PCDH11Y: variants seen among roughly 807,000 people sequenced by gnomAD.
The protein encoded by PCDH11Y is protocadherin-11 Y-linked.
For synonymous variants in PCDH11Y, 9 were observed against 83.6 expected (o/e 0.11, Z 4.87); for missense variants, 12 against 224.8 (o/e 0.05, Z 6.05).
intron 2 of PCDH11Y, among the ~76,000 whole-genome samples, chrY:5,243,249 C>T (rs2124655724): frequency 2.9e-5 from 1 of 34,200 alleles, no homozygotes; most frequent in African/African-American, 1.1e-4. Flanking sequence ...TTATCTTTCT[C>T]ATTGATCCCA....
chrY:5,390,767 G>C, intron 2 of PCDH11Y, among the ~76,000 whole-genome samples: 1 of 32,711 alleles, frequency 3.1e-5, no homozygotes, highest in Non-Finnish European at 7.5e-5. Flanking sequence ...AAGTGAAACT[G>C]ACAAGGATAT....
At chrY:5,134,536 A>G (rs2052836988) in intron 2 of PCDH11Y, among the ~76,000 whole-genome samples, 1 of 31,850 alleles carries the variant, frequency 3.1e-5, no homozygotes, top group African/African-American at 1.2e-4. Flanking sequence ...TAGTTTATTG[A>G]AAGTTTTTAT....
At chrY:5,346,323 G>A (rs2124669771) in intron 2 of PCDH11Y, among the ~76,000 whole-genome samples, 1 of 32,634 alleles carries the variant, frequency 3.1e-5, no homozygotes, top group Non-Finnish European at 7.5e-5. Context: ...TCCACCTTCC[G>A]TGTTCAAGCG....
At chrY:5,266,168 G>A in intron 2 of PCDH11Y, among the ~76,000 whole-genome samples, 1 of 33,634 alleles carries the variant, frequency 3.0e-5, no homozygotes, top group African/African-American at 1.2e-4. Context: ...AACTTCTAAT[G>A]ATTTTAATAC....
intron 4 of PCDH11Y, among the ~76,000 whole-genome samples, chrY:5,672,131 T>C: frequency 3.1e-5 from 1 of 32,202 alleles, no homozygotes; most frequent in Non-Finnish European, 7.7e-5. Flanking sequence ...AATCTTTCTA[T>C]TGTGTTTTTG....
intron 2 of PCDH11Y, among the ~76,000 whole-genome samples, chrY:5,459,009 G>C: frequency 3.2e-5 from 1 of 30,796 alleles, no homozygotes; most frequent in African/African-American, 1.3e-4. Flanking sequence ...AGAGTATTCA[G>C]GAATGTAACA....
intron 2 of PCDH11Y, among the ~76,000 whole-genome samples, chrY:5,202,047 C>T: frequency 2.7e-4 from 9 of 33,604 alleles, no homozygotes; most frequent in African/African-American, 9.2e-4. Context: ...AGACTTCTCT[C>T]TTGCTTTCTC....
chrY:5,503,497 T>C (rs373821380), intron 3 of PCDH11Y, among the ~76,000 whole-genome samples: 1,884 of 32,863 alleles, frequency 0.057, no homozygotes, highest in African/African-American at 0.22. Flanking sequence ...CTATGAATAA[T>C]ACTAACAAAC....
At chrY:5,644,700 G>C (rs1602955732) in intron 4 of PCDH11Y, among the ~76,000 whole-genome samples, 2 of 30,758 alleles carry the variant, frequency 6.5e-5, no homozygotes, top group East Asian at 1.7e-3. Flanking sequence ...CAGGAGTGGT[G>C]GTGCATGCCT....
intron 2 of PCDH11Y, among the ~76,000 whole-genome samples, chrY:5,450,901 A>G: frequency 3.0e-5 from 1 of 32,945 alleles, no homozygotes; most frequent in Non-Finnish European, 7.5e-5. Context: ...TTTTGAGCCA[A>G]TTAATTCACA....
intron 4 of PCDH11Y, among the ~76,000 whole-genome samples, chrY:5,630,708 TCA>T (rs2053511782): frequency 3.0e-5 from 1 of 33,438 alleles, no homozygotes; most frequent in Non-Finnish European, 7.4e-5. Context: ...GCCATGCCTG[TCA>T]CAGAGTGTTT....
intron 2 of PCDH11Y, among the ~76,000 whole-genome samples, chrY:5,286,404 GA>G (rs2053060693): frequency 2.7e-4 from 9 of 33,311 alleles, no homozygotes; most frequent in African/African-American, 8.2e-4. Flanking sequence ...TAAATTTAAA[GA>G]TAGCATCTTC....
chrY:5,455,824 G>A, intron 2 of PCDH11Y, among the ~76,000 whole-genome samples: 1 of 32,887 alleles, frequency 3.0e-5, no homozygotes, highest in Admixed American at 2.8e-4. Flanking sequence ...TAAACCATTC[G>A]TGAGTCGTCC....
intron 2 of PCDH11Y, among the ~76,000 whole-genome samples, chrY:5,327,540 G>A: frequency 1.2e-4 from 4 of 33,116 alleles, no homozygotes; most frequent in East Asian, 8.3e-4. Flanking sequence ...GGATATTGCC[G>A]TTGAGCGGGG....
intron 2 of PCDH11Y, among the ~76,000 whole-genome samples, chrY:5,189,027 C>T: frequency 3.0e-5 from 1 of 33,633 alleles, no homozygotes; most frequent in Non-Finnish European, 7.4e-5. Context: ...TTGAGAAACA[C>T]TGTTTTGTTA....
At chrY:5,340,905 C>T in intron 2 of PCDH11Y, among the ~76,000 whole-genome samples, 1 of 33,517 alleles carries the variant, frequency 3.0e-5, no homozygotes, top group African/African-American at 1.2e-4. Context: ...AGTAACAGCT[C>T]TTTCTACCAT....
intron 2 of PCDH11Y, among the ~76,000 whole-genome samples, chrY:5,472,592 G>T: frequency 3.1e-5 from 1 of 32,249 alleles, no homozygotes; most frequent in Non-Finnish European, 7.7e-5. Context: ...CTCACAATTT[G>T]CCAGGTATTA....
At chrY:5,582,820 T>C in intron 4 of PCDH11Y, among the ~76,000 whole-genome samples, 2 of 32,890 alleles carry the variant, frequency 6.1e-5, no homozygotes, top group East Asian at 1.6e-3. Context: ...TCTTCTGTTC[T>C]TCTATAATCA....
chrY:5,630,473 T>C, intron 4 of PCDH11Y, among the ~76,000 whole-genome samples: 1 of 33,130 alleles, frequency 3.0e-5, no homozygotes, highest in Non-Finnish European at 7.5e-5. Flanking sequence ...TCACTGGAAG[T>C]TACTTCCATC....
Sources: gnomAD v4.1 joint callset for allele counts (sites outside exome capture counted in the v4.1 genomes callset) on GRCh38, gnomAD v4.1.1 for gene constraint, MANE v1.5 for transcripts, NCBI Gene and HGNC (gene_info 2026-07-23, HGNC 2026-07-21) for gene names.